Variants in NUP153 observed in about 807,000 individuals in gnomAD.
NUP153 encodes nucleoporin 153.
Under a neutral mutation model 134.6 loss-of-function variants are expected in NUP153, and 27 were observed. That is an observed-to-expected ratio of 0.20 (90% CI 0.15 to 0.28). The LOEUF is 0.28. Ranked by LOEUF, NUP153 falls within the 10% of genes least tolerant of loss-of-function variation. NUP153 has a pLI of 1.00. For synonymous variants in NUP153, 640 were observed against 623.5 expected, an observed-to-expected ratio of 1.03 and a Z score of -0.40; for missense variants, 1,821 against 1,731.3, an observed-to-expected ratio of 1.05 and a Z score of -0.92.
chr6:17,704,800 C>T (rs1394064005), intron 1 of NUP153, among the ~76,000 whole-genome samples: 1 of 151,610 alleles, frequency 6.6e-6, no homozygotes, highest in Non-Finnish European at 1.5e-5. Context: ...CGCTCTGTCG[C>T]CCAGGCTGGA....
intron 2 of NUP153, among the ~76,000 whole-genome samples, chr6:17,683,847 G>A (rs1419921341): frequency 1.3e-5 from 2 of 152,090 alleles, no homozygotes; most frequent in Non-Finnish European, 2.9e-5. Flanking sequence ...GTTGTTTAGT[G>A]TAGTCATCTG....
chr6:17,704,768 T>C (rs1413085372), intron 1 of NUP153, among the ~76,000 whole-genome samples: 1 of 151,760 alleles, frequency 6.6e-6, no homozygotes, highest in Non-Finnish European at 1.5e-5. Flanking sequence ...ACTTTTTTTT[T>C]TTTTCTTCGA....
rs78432376 is a variant in NUP153 at position 17,663,741 on chromosome 6, T to C, written c.1215+1498A>G. On this transcript the variant is annotated intron_variant, in intron 9 of 21. Coordinates refer to ENST00000262077, the MANE Select transcript of NUP153 (RefSeq NM_005124.4). Reference sequence around the variant, plus strand: ...ATAAATTGAGTTGTTAGAAATGAGATAAAATATAACTAAAGGCATAAACAA... The same window carrying C: ...ATAAATTGAGTTGTTAGAAATGAGACAAAATATAACTAAAGGCATAAACAA... 8.1e-3 allele frequency among the ~76,000 whole-genome samples: 1,226 copies of C among 152,188 alleles called. 10 individuals are homozygous for C. Among genetic ancestry groups the C allele is most frequent in the African/African-American group, 0.026 (1,078 of 41,542 alleles).
Position 17,625,762 on chromosome 6 carries a change from G to A in NUP153, c.3901+46C>T, listed in dbSNP as rs368351288. Reference sequence around the variant, plus strand: ...TCGCTAAGAACTGACACACTAATAAGTAAAGTCCATCCAATTACAATGCAT... The same window carrying A: ...TCGCTAAGAACTGACACACTAATAAATAAAGTCCATCCAATTACAATGCAT... On this transcript the variant is annotated intron_variant, in intron 19 of 21. Transcript: ENST00000262077. The surrounding 1 kb of genome is among the most constrained non-coding windows in gnomAD (Gnocchi z 4.7). 1.4e-6 allele frequency: 2 copies of A among 1,411,042 alleles called. No individual in the cohort carries two copies. The highest frequency in any genetic ancestry group is 1.4e-5 in the African/African-American group (1 of 70,734). The allele number at this position is 1,411,042 out of a possible 1,614,324, so 87.4% of individuals were successfully genotyped here. A position where few individuals can be genotyped will look rare whatever the true frequency, so the allele number is the denominator to read the frequency against.
rs1292625095 is a variant in NUP153, at chr6:17,706,039, G to A, written c.111+238C>T. Among the ~76,000 whole-genome samples, 1 of 152,176 alleles carries A rather than the reference G, an allele frequency of 6.6e-6. No homozygotes were observed. The highest frequency in any genetic ancestry group is 2.4e-5 in the African/African-American group (1 of 41,446). ...CCAGAGCCTGCCTGGGAAAGCCCCTGACCCAGAGAGTTGGGGGAAAGGCGG... is the reference window on the plus strand; with the variant it reads ...CCAGAGCCTGCCTGGGAAAGCCCCTAACCCAGAGAGTTGGGGGAAAGGCGG... On this transcript the variant is annotated intron_variant, in intron 1 of 21. Transcript: ENST00000262077. The surrounding 1 kb of genome is among the most constrained non-coding windows in gnomAD (Gnocchi z 5.9).
chr6:17,616,305 G>C (rs1361466353), intron 21 of NUP153, 124 bp from the exon 22 acceptor site: 6 of 629,184 alleles, frequency 9.5e-6, no homozygotes, highest in Non-Finnish European at 1.7e-5. Context: ...GACTCACATT[G>C]GTATATACAT....
At chr6:17,697,763 T>TG (rs963629433) in intron 1 of NUP153, among the ~76,000 whole-genome samples, 1 of 148,778 alleles carries the variant, frequency 6.7e-6, no homozygotes, top group African/African-American at 2.5e-5. Context: ...ACAGCTGGGG[T>TG]GGGGGAAGGC....
Position 17,628,931 on chromosome 6 carries a change from C to G in NUP153, c.3268G>C (p.Ala1090Pro), listed in dbSNP as rs753958237. Residue 1090 changes from alanine to proline, a missense_variant, in exon 18 of 22, where the codon GCC becomes CCC. Coordinates refer to ENST00000262077, the MANE Select transcript of NUP153 (RefSeq NM_005124.4). This position sits in a 1 kb window ranked among gnomAD's most constrained non-coding sequence, Gnocchi z 5.4. The stretch of plus-strand genomic sequence containing the variant: ...AACACTGAGGCAGATGGCAGAGAGG[C>G]AGGCTCCACGTTGCCAAAAGAGAAT... ...GGFSFGNVEPASLPSASVFVL... is the reference protein window; with the variant it reads ...GGFSFGNVEPPSLPSASVFVL... 4 of 1,614,212 alleles carry G rather than the reference C, an allele frequency of 2.5e-6. No homozygotes were observed. Among genetic ancestry groups the G allele is most frequent in the South Asian group, 2.2e-5 (2 of 91,090 alleles).
At chr6:17,648,345 G>T (rs1027586241) in intron 12 of NUP153, among the ~76,000 whole-genome samples, 2 of 152,154 alleles carry the variant, frequency 1.3e-5, no homozygotes, top group African/African-American at 2.4e-5. Context: ...GGCCAGGAGT[G>T]GGGGCTCACG....
rs759339152 is a variant in NUP153 at position 17,632,661 on chromosome 6, G to A, written c.2648C>T (p.Ser883Phe). The A allele has an allele frequency of 1.9e-6, 3 of 1,601,228 alleles. No homozygotes were observed. In the African/African-American group the frequency reaches 4.0e-5, roughly 22 times the overall value. Residue 883 changes from serine to phenylalanine, a missense_variant, in exon 17 of 22, where the codon TCT (serine) becomes TTT (phenylalanine). By Grantham distance (155) the Ser-to-Phe change is radical. Transcript: ENST00000262077. The stretch of plus-strand genomic sequence containing the variant: ...TTTTTTGGCCTTACCTTTAAACCCA[G>A]ATTTTGTGCCTGGCTTTGCACTTTC... The part of the protein sequence containing the change: ...ACESAKPGTK[S>F]GFKGFDTSSS...
chr6:17,671,725 G>T (rs1446106379), intron 5 of NUP153, among the ~76,000 whole-genome samples: 2 of 152,152 alleles, frequency 1.3e-5, no homozygotes, highest in East Asian at 3.9e-4. Flanking sequence ...TCTCAATCAT[G>T]GCTGGGCATG....
At chr6:17,701,848 A>AGGGGGG (rs1561917012) in intron 1 of NUP153, among the ~76,000 whole-genome samples, 4 of 90,346 alleles carry the variant, frequency 4.4e-5, no homozygotes, top group Admixed American at 1.0e-4. Context: ...GGGGGGGAAA[A>AGGGGGG]AAGCTAAATG....
chr6:17,620,901 A>G (rs923692035), intron 20 of NUP153, among the ~76,000 whole-genome samples: 10 of 152,250 alleles, frequency 6.6e-5, no homozygotes, highest in African/African-American at 2.4e-4. Flanking sequence ...CTGCACAGCA[A>G]AAGAAGCAAT....
Position 17,634,819 on chromosome 6 carries a change from G to C in NUP153, c.2465-1975C>G, listed in dbSNP as rs7770657. Among the ~76,000 whole-genome samples the C allele has an allele frequency of 3.4e-4, 51 of 151,976 alleles. No individual in the cohort carries two copies. In the East Asian group the frequency reaches 3.7e-3, roughly 11 times the overall value. On this transcript the variant is annotated intron_variant, in intron 16 of 21. Coordinates refer to ENST00000262077, the MANE Select transcript of NUP153 (RefSeq NM_005124.4). ...ATGTCCTCCATTCCTTATTCAGTTCGATCAGTACATTATCTATTGCCTGTA... is the reference window on the plus strand; with the variant it reads ...ATGTCCTCCATTCCTTATTCAGTTCCATCAGTACATTATCTATTGCCTGTA...
At chr6:17,702,278 C>T (rs970276175) in intron 1 of NUP153, among the ~76,000 whole-genome samples, 11 of 152,080 alleles carry the variant, frequency 7.2e-5, no homozygotes, top group African/African-American at 1.7e-4. Flanking sequence ...GAGGCCGAGG[C>T]GGGTGGATCA....
chr6:17,665,351 A>G lies in NUP153; in HGVS notation c.1103T>C (p.Met368Thr), dbSNP rs767001352. The change falls in exon 9 of 22, where the codon ATG becomes ACG. Residue 368 changes from methionine to threonine, a missense_variant. Transcript: ENST00000262077. ...TGCTATGGAAACTGGCTTTGGGGTC[A>G]TAAGTCTCTGAACAGGAGGATATTG... ...DSQYPPVQRL[M>T]TPKPVSIATN... is the part of the protein sequence containing the mutation. 2.4e-5 allele frequency: 38 copies of G among 1,613,514 alleles called. No individual in the cohort carries two copies. The highest frequency in any genetic ancestry group is 1.1e-4 in the South Asian group (10 of 91,060).
intron 1 of NUP153, among the ~76,000 whole-genome samples, chr6:17,701,677 T>C (rs1241254002): frequency 7.8e-6 from 1 of 128,596 alleles, no homozygotes; most frequent in African/African-American, 2.9e-5. Flanking sequence ...AAAAAAAAAA[T>C]ACAAAAATTA....
intron 16 of NUP153, among the ~76,000 whole-genome samples, chr6:17,634,692 C>T (rs1765435744): frequency 6.6e-6 from 1 of 152,208 alleles, no homozygotes; most frequent in African/African-American, 2.4e-5. Flanking sequence ...CTGCCTCAGC[C>T]TCACGAAGTG....
intron 2 of NUP153, among the ~76,000 whole-genome samples, chr6:17,682,613 G>C (rs1484722797): frequency 2.6e-5 from 4 of 152,026 alleles, no homozygotes; most frequent in Admixed American, 6.6e-5. Context: ...ACCAAGAGTA[G>C]ATTCCATCTC....
Sources: allele counts gnomAD v4.1 joint callset (sites outside exome capture counted in the v4.1 genomes callset), GRCh38; gene constraint gnomAD v4.1.1; non-coding constraint Gnocchi (gnomAD v3.1); transcripts MANE v1.5; gene names NCBI Gene and HGNC (gene_info 2026-07-23, HGNC 2026-07-21).